Variants in COBL observed in about 807,000 individuals in gnomAD.
COBL encodes protein cordon-bleu.
A neutral mutation model predicts 98.8 loss-of-function variants in COBL; 51 were observed. The observed-to-expected ratio is 0.52, with a 90% CI of 0.41 to 0.65. The LOEUF (loss-of-function observed/expected upper bound fraction) is 0.65, where lower values mean the gene tolerates loss of function less well. Ranked by LOEUF, COBL falls within the 30% of genes least tolerant of loss-of-function variation. COBL has a pLI of 0.00. For missense variants in COBL, 1,617 were observed against 1,617.5 expected (o/e 1.00, Z 0.01); for synonymous variants, 634 against 651.7 (o/e 0.97, Z 0.41).
At chr7:51,073,726 G>A (rs1300146006) in intron 7 of COBL, among the ~76,000 whole-genome samples, 3 of 152,226 alleles carry the variant, frequency 2.0e-5, no homozygotes, top group African/African-American at 4.8e-5. Flanking sequence ...GAAGCAGCTG[G>A]TAGGCAAGTC....
chr7:51,168,705 T>G (rs1787570681), intron 5 of COBL, among the ~76,000 whole-genome samples: 4 of 152,156 alleles, frequency 2.6e-5, no homozygotes, highest in African/African-American at 9.7e-5. Context: ...GGAGAACTGT[T>G]TGGTGGTTCC....
intron 1 of COBL, among the ~76,000 whole-genome samples, chr7:51,233,575 G>A (rs1041873109): frequency 6.6e-6 from 1 of 152,212 alleles, no homozygotes; most frequent in Non-Finnish European, 1.5e-5. Context: ...GCCGCCTGCT[G>A]ATAAGCCCCG....
In COBL at chr7:51,154,412, G is replaced by A. The variant is rs1785894682; in HGVS notation, c.784-18081C>T. 2.6e-5 allele frequency among the ~76,000 whole-genome samples: 4 copies of A among 152,366 alleles called. No individual in the cohort carries two copies. In the Middle Eastern group the frequency reaches 0.01, roughly 389 times the overall value. ...AGGCTTAGAGCAAGGGTGCCACAGA[G>A]CTGACATCACTCACAGTTCCATGGG... On this transcript the variant is annotated intron_variant, in intron 5 of 12. Transcript: ENST00000265136.
intron 5 of COBL, among the ~76,000 whole-genome samples, chr7:51,176,364 C>T (rs1395699948): frequency 1.3e-5 from 2 of 151,982 alleles, no homozygotes; most frequent in African/African-American, 4.8e-5. Context: ...CAAAAGGTAA[C>T]TTAATGAATA....
At chr7:51,095,274 T>C (rs1411114645) in intron 6 of COBL, among the ~76,000 whole-genome samples, 1 of 152,134 alleles carries the variant, frequency 6.6e-6, no homozygotes, top group East Asian at 1.9e-4. Flanking sequence ...TTCACTATCA[T>C]GAGAACAGCA....
rs951242125 is a variant in COBL, at chr7:51,273,460, T to C, written c.41+43133A>G. On this transcript the variant is annotated intron_variant, in intron 1 of 12. Transcript: ENST00000265136. ...GTGGTGAACAGTAGCTACCACTATCTAAAATTCCTCATTTACCAAAAAACA... is the reference window on the plus strand; with the variant it reads ...GTGGTGAACAGTAGCTACCACTATCCAAAATTCCTCATTTACCAAAAAACA... 6.6e-5 allele frequency among the ~76,000 whole-genome samples: 10 copies of C among 152,274 alleles called. No homozygotes were observed. The South Asian group carries it at 1.0e-3, about 16-fold the overall frequency.
intron 6 of COBL, among the ~76,000 whole-genome samples, chr7:51,117,030 C>T (rs968167289): frequency 2.0e-5 from 3 of 151,820 alleles, no homozygotes; most frequent in Non-Finnish European, 2.9e-5. Context: ...GTGTGCTACA[C>T]CCATTAACTC....
intron 2 of COBL, among the ~76,000 whole-genome samples, chr7:51,214,359 T>C (rs748596940): frequency 3.9e-5 from 6 of 152,142 alleles, no homozygotes; most frequent in Non-Finnish European, 8.8e-5. Context: ...AGAGAGGTGA[T>C]GTGCAGAGTC....
rs530983705 is a variant in COBL, at chr7:51,291,717, C to T, written c.41+24876G>A. Among the ~76,000 whole-genome samples, 13 of 151,346 alleles carry T rather than the reference C, an allele frequency of 8.6e-5. No individual in the cohort carries two copies. In the South Asian group the frequency reaches 2.1e-3, roughly 24 times the overall value. On this transcript the variant is annotated intron_variant, in intron 1 of 12. Transcript: ENST00000265136. ...TGGAGGTTGCAGTGAGCCGAGACCACGCCATTGCACTCCAGCCAGGGCAAC... is the reference window on the plus strand; with the variant it reads ...TGGAGGTTGCAGTGAGCCGAGACCATGCCATTGCACTCCAGCCAGGGCAAC...
At chr7:51,177,378 G>A (rs932585414) in intron 5 of COBL, among the ~76,000 whole-genome samples, 1 of 152,112 alleles carries the variant, frequency 6.6e-6, no homozygotes, top group African/African-American at 2.4e-5. Context: ...GGGATACTAA[G>A]AGTTAACATT....
chr7:51,155,526 G>A (rs536344776), intron 5 of COBL, among the ~76,000 whole-genome samples: 108 of 143,072 alleles, frequency 7.5e-4, no homozygotes, highest in African/African-American at 2.7e-3. Flanking sequence ...GGAGGCGGAG[G>A]TTGCAGTGAG....
intron 2 of COBL, among the ~76,000 whole-genome samples, chr7:51,213,928 G>A (rs997440667): frequency 6.6e-6 from 1 of 152,028 alleles, no homozygotes; most frequent in Non-Finnish European, 1.5e-5. Context: ...TAACTGGAAA[G>A]GGAATGCCTT....
At chr7:51,141,633 C>CT (rs57941852) in intron 5 of COBL, among the ~76,000 whole-genome samples, 3,736 of 142,378 alleles carry the variant, frequency 0.026, 137 homozygotes, top group African/African-American at 0.082. Flanking sequence ...GGCTTTACAA[C>CT]TTTTTTTTTT....
chr7:51,088,959 G>A (rs911926876), intron 6 of COBL, among the ~76,000 whole-genome samples: 2 of 152,194 alleles, frequency 1.3e-5, no homozygotes, highest in Admixed American at 1.3e-4. Context: ...CCTGAAGTCA[G>A]AGCCTCTTAG....
chr7:51,265,430 C>T (rs1798111080), intron 1 of COBL, among the ~76,000 whole-genome samples: 1 of 152,204 alleles, frequency 6.6e-6, no homozygotes, highest in Non-Finnish European at 1.5e-5. Context: ...CAGAAGGCTC[C>T]CCAGGCTGGA....
At chr7:51,049,044 A>C (rs1163153029) in intron 7 of COBL, among the ~76,000 whole-genome samples, 1 of 152,198 alleles carries the variant, frequency 6.6e-6, no homozygotes, top group African/African-American at 2.4e-5. Context: ...TTAGGTTTCT[A>C]AAACTTTTCC....
At chr7:51,146,490 C>T (rs532971511) in intron 5 of COBL, among the ~76,000 whole-genome samples, 78 of 152,280 alleles carry the variant, frequency 5.1e-4, no homozygotes, top group African/African-American at 1.6e-3. Context: ...GTCATTTAAC[C>T]TCAGTCCTTT....
chr7:51,175,574 T>C (rs765508240), intron 5 of COBL, among the ~76,000 whole-genome samples: 43 of 152,268 alleles, frequency 2.8e-4, no homozygotes, highest in Non-Finnish European at 5.6e-4. Flanking sequence ...ACAACATTTA[T>C]TTCCTCAGTG....
Position 51,276,093 on chromosome 7 carries a change from A to G in COBL, c.41+40500T>C, listed in dbSNP as rs370482229. Among the ~76,000 whole-genome samples the G allele has an allele frequency of 4.9e-4, 75 of 152,312 alleles. No homozygotes were observed. In the South Asian group the frequency reaches 0.015, roughly 30 times the overall value. On this transcript the variant is annotated intron_variant, in intron 1 of 12. Coordinates refer to ENST00000265136, the MANE Select transcript of COBL (RefSeq NM_015198.5). Reference sequence around the variant, plus strand: ...AGCTCATAAATGAAAATGTGCACTGAGGCTCTGGGACCATGCAACTTCTTC... The same window carrying G: ...AGCTCATAAATGAAAATGTGCACTGGGGCTCTGGGACCATGCAACTTCTTC...
Sources: gnomAD v4.1 joint callset for allele counts (sites outside exome capture counted in the v4.1 genomes callset) on GRCh38, gnomAD v4.1.1 for gene constraint, MANE v1.5 for transcripts, NCBI Gene and HGNC (gene_info 2026-07-23, HGNC 2026-07-21) for gene names.